The following DHRSX variants were observed in gnomAD, a reference collection of about 807,000 sequenced individuals.
The protein encoded by DHRSX is dehydrogenase/reductase X-linked.
In DHRSX, 31 loss-of-function variants were observed where a neutral mutation model predicts 34.0. The observed-to-expected ratio is 0.91, with a 90% CI of 0.69 to 1.23. DHRSX has a LOEUF of 1.23. Among genes scored for constraint, DHRSX ranks in the 50% most tolerant of loss-of-function variants. The probability of loss-of-function intolerance (pLI) is 0.00; values close to 1 mark genes in which losing one functional copy is unlikely to be tolerated. For missense variants in DHRSX, 414 were observed against 428.1 expected, an observed-to-expected ratio of 0.97 and a Z score of 0.29; for synonymous variants, 201 against 183.8, an observed-to-expected ratio of 1.09 and a Z score of -0.76.
intron 6 of DHRSX, among the ~76,000 whole-genome samples, chrX:2,230,312 T>C (rs1290155874): frequency 3.9e-5 from 6 of 152,192 alleles, no homozygotes; most frequent in Non-Finnish European, 7.3e-5. Flanking sequence ...CTTCTAGGGA[T>C]GTTTCATGGC....
intron 3 of DHRSX, among the ~76,000 whole-genome samples, chrX:2,371,424 T>C (rs867825484): frequency 0.037 from 1,616 of 43,232 alleles, 47 homozygotes; most frequent in African/African-American, 0.12. Context: ...TCCCTCCTTC[T>C]GTTACCACAG....
intron 1 of DHRSX, among the ~76,000 whole-genome samples, chrX:2,436,163 A>T (rs2043988368): frequency 6.6e-6 from 1 of 152,158 alleles, no homozygotes; most frequent in African/African-American, 2.4e-5. Context: ...ACTGCACTCC[A>T]GCCTGGGTGA....
intron 1 of DHRSX, among the ~76,000 whole-genome samples, chrX:2,440,898 T>C (rs2044054434): frequency 1.3e-5 from 2 of 152,192 alleles, no homozygotes; most frequent in Non-Finnish European, 2.9e-5. Flanking sequence ...GTTCTGTCCC[T>C]GTAGATCACC....
chrX:2,420,828 G>A (rs1034744324), intron 2 of DHRSX, among the ~76,000 whole-genome samples: 3 of 151,962 alleles, frequency 2.0e-5, no homozygotes, highest in African/African-American at 4.8e-5. Context: ...TTGATGGAAA[G>A]AAAGAGACTG....
chrX:2,495,312 G>C (rs186346646), intron 1 of DHRSX, among the ~76,000 whole-genome samples: 3 of 151,394 alleles, frequency 2.0e-5, no homozygotes, highest in Admixed American at 6.6e-5. Flanking sequence ...TTATTATTGG[G>C]CTGAAAGACG....
chrX:2,229,572 G>A (rs930916031), intron 6 of DHRSX, among the ~76,000 whole-genome samples: 6 of 152,106 alleles, frequency 3.9e-5, no homozygotes, highest in African/African-American at 1.4e-4. Flanking sequence ...ATGTGTGTGT[G>A]TGCACAGATA....
Position 2,375,767 on chromosome X carries a change from C to T in DHRSX, c.286+32978G>A, listed in dbSNP as rs907802937. ...CCTGCCTCAGCCTCCTCAGTAGCTA[C>T]GACTACAGGCGTGCACCCCCACGCC... On this transcript the variant is annotated intron_variant, in intron 3 of 6. Transcript: ENST00000334651. 2.1e-4 allele frequency among the ~76,000 whole-genome samples: 28 copies of T among 135,838 alleles called. 10 individuals are homozygous for T. The highest frequency in any genetic ancestry group is 3.7e-4 in the Admixed American group (5 of 13,524). The allele number at this position is 135,838 out of a possible 152,430, so 89.1% of individuals were successfully genotyped here. A position where few individuals can be genotyped will look rare whatever the true frequency, so the allele number is the denominator to read the frequency against.
At chrX:2,490,355 T>G (rs1339794331) in intron 1 of DHRSX, 1 of 1,613,344 alleles carries the variant, frequency 6.2e-7, no homozygotes, top group East Asian at 2.2e-5. Context: ...CTCCTGCTGC[T>G]TCTTGCTGTC....
rs1344437394 is a variant in DHRSX at position 2,390,330 on chromosome X, G to A, written c.286+18415C>T. ...GCTAATTTTGTATTTTTAGTAGGAGGTTTCTCCATGTTGGTCAGGCTCGTC... is the reference window on the plus strand; with the variant it reads ...GCTAATTTTGTATTTTTAGTAGGAGATTTCTCCATGTTGGTCAGGCTCGTC... On this transcript the variant is annotated intron_variant, in intron 3 of 6. Transcript: ENST00000334651. Among the ~76,000 whole-genome samples the A allele has an allele frequency of 2.7e-5, 4 of 149,754 alleles. No individual in the cohort carries two copies. In the East Asian group the frequency reaches 7.9e-4, roughly 30 times the overall value.
At chrX:2,327,753 G>A (rs1246951491) in intron 3 of DHRSX, among the ~76,000 whole-genome samples, 1 of 152,070 alleles carries the variant, frequency 6.6e-6, no homozygotes, top group Admixed American at 6.6e-5. Context: ...CACCAGGGAG[G>A]CCCCTAATCC....
chrX:2,331,724 A>G (rs185822708), intron 3 of DHRSX, among the ~76,000 whole-genome samples: 420 of 152,192 alleles, frequency 2.8e-3, no homozygotes, highest in African/African-American at 9.3e-3. Context: ...TGCTGGGATT[A>G]CAGGCGTGAG....
chrX:2,399,862 G>A (rs1286048915), intron 3 of DHRSX, among the ~76,000 whole-genome samples: 3 of 151,510 alleles, frequency 2.0e-5, no homozygotes, highest in South Asian at 2.1e-4. Context: ...ATGAGACCCC[G>A]TCTCTAGAAA....
rs754337171 is a variant in DHRSX at position 2,452,344 on chromosome X, G to T, written c.110-27040C>A. Among the ~76,000 whole-genome samples the T allele has an allele frequency of 2.0e-5, 3 of 150,824 alleles. No homozygotes were observed. The East Asian group carries it at 5.9e-4, about 30-fold the overall frequency. On this transcript the variant is annotated intron_variant, in intron 1 of 6. Coordinates refer to ENST00000334651, the MANE Select transcript of DHRSX (RefSeq NM_145177.3). Reference sequence around the variant, plus strand: ...GCAGCCAAGGGACGGCACTGAAGACGTTCCCTAGGCATGTGGTCAAGGGAC... The same window carrying T: ...GCAGCCAAGGGACGGCACTGAAGACTTTCCCTAGGCATGTGGTCAAGGGAC...
intron 4 of DHRSX, among the ~76,000 whole-genome samples, chrX:2,273,161 C>A (rs1234710192): frequency 6.6e-6 from 1 of 152,046 alleles, no homozygotes; most frequent in Non-Finnish European, 1.5e-5. Context: ...CCACTGCACT[C>A]CAGCCTGGGT....
intron 5 of DHRSX, among the ~76,000 whole-genome samples, chrX:2,266,201 T>TAC (rs2041466143): frequency 1.9e-4 from 9 of 47,420 alleles, no homozygotes; most frequent in East Asian, 7.4e-4. Context: ...CACCAGTGCT[T>TAC]GGCAGACGCA....
intron 3 of DHRSX, among the ~76,000 whole-genome samples, chrX:2,371,711 C>T (rs1468208324): frequency 1.3e-5 from 2 of 150,310 alleles, no homozygotes; most frequent in Non-Finnish European, 3.0e-5. Flanking sequence ...CTCCCATTAT[C>T]ACAGCCCCTC....
At position 2,446,889 on chromosome X, in the gene DHRSX, A is replaced by G. The variant is rs1486268010; in HGVS notation, c.110-21585T>C. On this transcript the variant is annotated intron_variant, in intron 1 of 6. Coordinates refer to ENST00000334651, the MANE Select transcript of DHRSX (RefSeq NM_145177.3). ...GCCAAGGGACCGTTGCAGTGTACACACTGAACATGTTAGCTATGTATGTGG... is the reference window on the plus strand; with the variant it reads ...GCCAAGGGACCGTTGCAGTGTACACGCTGAACATGTTAGCTATGTATGTGG... Among the ~76,000 whole-genome samples the G allele has an allele frequency of 2.0e-5, 3 of 152,064 alleles. No individual in the cohort carries two copies. The East Asian group carries it at 5.8e-4, about 30-fold the overall frequency.
intron 4 of DHRSX, among the ~76,000 whole-genome samples, chrX:2,284,332 ATTCATTCATTCATTTGAATTCT>A (rs2041777112): frequency 1.3e-5 from 2 of 149,718 alleles, no homozygotes; most frequent in Non-Finnish European, 3.0e-5. Context: ...ATTCCTCTGA[ATTCATTCATTCATTTGAATTCT>A]TTCATTCATT....
chrX:2,316,833 G>T, intron 3 of DHRSX, among the ~76,000 whole-genome samples: 1 of 152,314 alleles, frequency 6.6e-6, no homozygotes, highest in South Asian at 2.1e-4. Context: ...TTAACTCAAA[G>T]TTTTGAATCA....
Sources: gnomAD v4.1 joint callset for allele counts (sites outside exome capture counted in the v4.1 genomes callset) on GRCh38, gnomAD v4.1.1 for gene constraint, MANE v1.5 for transcripts, NCBI Gene and HGNC (gene_info 2026-07-23, HGNC 2026-07-21) for gene names.